Variants in CFAP43 observed in about 807,000 individuals in gnomAD.
The protein encoded by CFAP43 is cilia- and flagella-associated protein 43.
A neutral mutation model predicts 218.9 loss-of-function variants in CFAP43; 155 were observed. The observed-to-expected ratio is 0.71, with a 90% CI of 0.62 to 0.81. The LOEUF is 0.81. Ranked by LOEUF, CFAP43 falls within the 30% of genes least tolerant of loss-of-function variation. CFAP43 has a pLI of 0.00. For synonymous variants in CFAP43, 645 were observed against 681.3 expected (o/e 0.95, Z 0.83); for missense variants, 1,778 against 1,954.3 (o/e 0.91, Z 1.70).
chr10:104,166,457 AT>A (rs776390120), intron 23 of CFAP43, 30 bp downstream of exon 23: 17 of 1,551,780 alleles, frequency 1.1e-5, no homozygotes, highest in Middle Eastern at 1.7e-4. Context: ...GAGTCTAGAG[AT>A]TTTTCAGGAT....
chr10:104,159,867 A>G (rs2088780579), intron 27 of CFAP43, among the ~76,000 whole-genome samples: 1 of 152,150 alleles, frequency 6.6e-6, no homozygotes, highest in Non-Finnish European at 1.5e-5. Context: ...CAGAGAAACA[A>G]TGAAATCAGA....
At chr10:104,138,632 G>A (rs1378500778) in intron 34 of CFAP43, among the ~76,000 whole-genome samples, 4 of 151,448 alleles carry the variant, frequency 2.6e-5, no homozygotes, top group Admixed American at 1.3e-4. Flanking sequence ...CTGAGATAGT[G>A]CCATTGCACA....
At chr10:104,152,056 AT>A (rs796464229) in intron 28 of CFAP43, among the ~76,000 whole-genome samples, 9 of 152,060 alleles carry the variant, frequency 5.9e-5, no homozygotes, top group African/African-American at 9.6e-5. Flanking sequence ...ATTAAGACAG[AT>A]TTTTTTTCAC....
At chr10:104,207,579 T>C in intron 6 of CFAP43, 86 bp downstream of exon 6, 2 of 1,295,356 alleles carry the variant, frequency 1.5e-6, no homozygotes, top group Non-Finnish European at 2.1e-6. Context: ...GATTCAAAGA[T>C]GTCTCCAAGA....
Position 104,188,322 on chromosome 10 carries a change from T to G in CFAP43, c.1635A>C (p.Glu545Asp). 3 of 1,614,164 alleles carry G rather than the reference T, an allele frequency of 1.9e-6. 1 individual carries two copies. The East Asian group carries it at 6.7e-5, about 36-fold the overall frequency. ...ACATCTCCAACCTGCTTCTCCCTGC[T>G]TCTGGAAGCGAGGAAAGCACCATCA... ...VEVMVLSSLP[E>D]AGRSRLEMFT... Residue 545 changes from glutamate (E) to aspartate (D), a missense_variant, in exon 13 of 38, where the codon GAA (glutamate) becomes GAC (aspartate). Around this residue, in one of 3 missense-constraint regions of CFAP43, gnomAD observed 1,553 missense variants for 1,685.2 expected, o/e 0.92. Transcript: ENST00000357060.
At chr10:104,221,548 C>A (rs1260009060) in intron 3 of CFAP43, among the ~76,000 whole-genome samples, 1 of 152,162 alleles carries the variant, frequency 6.6e-6, no homozygotes, top group Non-Finnish European at 1.5e-5. Context: ...GAAACTGAAG[C>A]TGCTGGCACC....
chr10:104,179,176 AGAG>A, intron 18 of CFAP43, 70 bp from the exon 19 acceptor site: 1 of 1,315,224 alleles, frequency 7.6e-7, no homozygotes. Context: ...AGAGAGAGAG[AGAG>A]AGCAATTCTC....
At chr10:104,204,328 G>T (rs2090619550) in intron 7 of CFAP43, among the ~76,000 whole-genome samples, 1 of 152,210 alleles carries the variant, frequency 6.6e-6, no homozygotes, top group Admixed American at 6.5e-5. Context: ...AAACGGGTTG[G>T]TTGGTTGGCT....
At chr10:104,160,535 C>A (rs1056207528) in intron 27 of CFAP43, among the ~76,000 whole-genome samples, 1 of 152,146 alleles carries the variant, frequency 6.6e-6, no homozygotes, top group African/African-American at 2.4e-5. Context: ...ACAGTGTTTC[C>A]TTCTGATGGA....
chr10:104,225,886 A>C (rs1473462950), intron 2 of CFAP43, among the ~76,000 whole-genome samples: 1 of 152,258 alleles, frequency 6.6e-6, no homozygotes, highest in Non-Finnish European at 1.5e-5. Context: ...TATATGAGAC[A>C]TTGTAATTAG....
chr10:104,138,679 A>T (rs1187724778), intron 34 of CFAP43, among the ~76,000 whole-genome samples: 1 of 151,808 alleles, frequency 6.6e-6, no homozygotes, highest in Non-Finnish European at 1.5e-5. Context: ...CAGTCTAAAA[A>T]GAAAAAAAAA....
intron 3 of CFAP43, chr10:104,218,910 A>T (rs370941560): frequency 1.9e-5 from 9 of 476,316 alleles, no homozygotes; most frequent in African/African-American, 1.0e-4. Context: ...CTGGACGCTG[A>T]CCCCGAGGAG....
chr10:104,155,496 AC>A (rs1239787495), intron 27 of CFAP43, among the ~76,000 whole-genome samples: 6 of 152,284 alleles, frequency 3.9e-5, no homozygotes, highest in Admixed American at 3.3e-4. Context: ...ATGCACAGTT[AC>A]TATATAACCG....
intron 21 of CFAP43, 52 bp from the exon 22 acceptor site, chr10:104,167,789 T>G (rs1447678903): frequency 1.4e-6 from 2 of 1,403,232 alleles, no homozygotes; most frequent in Non-Finnish European, 2.0e-6. Flanking sequence ...TATAATTGTG[T>G]GTATCTGGGG....
intron 4 of CFAP43, among the ~76,000 whole-genome samples, chr10:104,212,886 G>A (rs1348474370): frequency 1.3e-5 from 2 of 152,204 alleles, no homozygotes; most frequent in African/African-American, 4.8e-5. Flanking sequence ...CTACTCAAAT[G>A]TAAGGCTGAA....
At chr10:104,139,376 A>C (rs1480496789) in intron 34 of CFAP43, among the ~76,000 whole-genome samples, 8 of 152,250 alleles carry the variant, frequency 5.3e-5, no homozygotes, top group Admixed American at 5.2e-4. Flanking sequence ...GAGGAAGCTC[A>C]GAGAAGCTCA....
chr10:104,155,528 C>G (rs1488147935), intron 27 of CFAP43, among the ~76,000 whole-genome samples: 2 of 152,070 alleles, frequency 1.3e-5, no homozygotes, highest in Non-Finnish European at 2.9e-5. Context: ...ACATAATGGT[C>G]ATCTTGAAGG....
Position 104,207,698 on chromosome 10 carries a change from C to G in CFAP43, c.862G>C (p.Val288Leu), listed in dbSNP as rs754161680. 7 of 1,614,056 alleles carry G rather than the reference C, an allele frequency of 4.3e-6. No homozygotes were observed. Among genetic ancestry groups the G allele is most frequent in the Non-Finnish European group, 8.5e-7 (1 of 1,179,956 alleles). ...MINGDTLQVTVLNKIEEESPL... is the reference protein window; with the variant it reads ...MINGDTLQVTLLNKIEEESPL... ...GATTCCTCTTCTATCTTATTAAGTA[C>G]AGTCACTTGCAAGGTGTCTCCATTA... Residue 288 changes from valine (V) to leucine (L), a missense_variant, in exon 6 of 38, where the codon GTA (valine) becomes CTA (leucine). Val to Leu is a conservative substitution (Grantham distance 32). Around this residue, in one of 3 missense-constraint regions of CFAP43, gnomAD observed 1,553 missense variants for 1,685.2 expected, o/e 0.92. Coordinates refer to ENST00000357060, the MANE Select transcript of CFAP43 (RefSeq NM_025145.7).
Position 104,187,412 on chromosome 10 carries a change from G to A in CFAP43, c.1768C>T (p.Leu590=). ...HKYLYELEHA[L]SSAVLGFQSN... ...TGAAAGCCCAAGACTGCAGAGGACAGAGCGTGCTCCAACTCATACAGGTAC... is the reference window on the plus strand; with the variant it reads ...TGAAAGCCCAAGACTGCAGAGGACAAAGCGTGCTCCAACTCATACAGGTAC... Residue 590 remains leucine (L), a synonymous_variant, in exon 14 of 38, where the codon CTG becomes TTG. Transcript: ENST00000357060. 1.9e-6 allele frequency: 3 copies of A among 1,610,894 alleles called. No individual in the cohort carries two copies. The highest frequency in any genetic ancestry group is 1.7e-6 in the Non-Finnish European group (2 of 1,178,916).
Sources: allele counts gnomAD v4.1 joint callset (sites outside exome capture counted in the v4.1 genomes callset), GRCh38; gene constraint gnomAD v4.1.1; regional missense constraint gnomAD v4.1.1; transcripts MANE v1.5; gene names NCBI Gene and HGNC (gene_info 2026-07-23, HGNC 2026-07-21).